Variants in ABHD2 observed in about 807,000 individuals in gnomAD.
The protein encoded by ABHD2 is monoacylglycerol lipase ABHD2.
In ABHD2, 20 loss-of-function variants were observed where a neutral mutation model predicts 48.1. That is an observed-to-expected ratio of 0.42 (90% CI 0.29 to 0.60). The LOEUF (loss-of-function observed/expected upper bound fraction) is 0.60, where lower values mean the gene tolerates loss of function less well. ABHD2 is among the 20% of genes least tolerant of loss of function. The pLI is 0.24. For synonymous variants in ABHD2, 209 were observed against 214.2 expected (o/e 0.98, Z 0.21); for missense variants, 405 against 550.9 (o/e 0.74, Z 2.65).
At position 89,146,282 on chromosome 15, in the gene ABHD2, T is replaced by A. The variant is rs555838220; in HGVS notation, c.195-5395T>A. 9.2e-5 allele frequency among the ~76,000 whole-genome samples: 14 copies of A among 152,262 alleles called. No individual in the cohort carries two copies. The highest frequency in any genetic ancestry group is 3.1e-4 in the African/African-American group (13 of 41,554). On this transcript the variant is annotated intron_variant, in intron 3 of 10. Transcript: ENST00000352732. This position sits in a 1 kb window ranked among gnomAD's most constrained non-coding sequence, Gnocchi z 4.2. ...AAGGCAAAGATGAGCATCAGTCAAC[T>A]TTATTTTTTCAACTCTCTTTTTAAA...
At chr15:89,079,453 T>TTCTACATGGCAAAATAAACC in the ABHD2 span, among the ~76,000 whole-genome samples, 2 of 147,592 alleles carry the variant, frequency 1.4e-5, no homozygotes, top group African/African-American at 2.5e-5. This position sits in a 1 kb window ranked among gnomAD's most constrained non-coding sequence, Gnocchi z 4.3. Context: ...TAAAACAAAC[T>TTCTACATGGCAAAATAAACC]TCTACATGGC....
chr15:89,063,311 G>A, the ABHD2 span, among the ~76,000 whole-genome samples: 17 of 151,522 alleles, frequency 1.1e-4, no homozygotes, highest in Non-Finnish European at 7.4e-5. Flanking sequence ...CCTTTCTTTT[G>A]AGGTCAGGTT....
In ABHD2 at chr15:89,195,491, A is replaced by C; in HGVS notation, c.*68A>C. Reference sequence around the variant, plus strand: ...GCTGCGTCCCCTCACCCCCTGTTTCAGGTCTCCCATCTCCCTCAGTGACCT... The same window carrying C: ...GCTGCGTCCCCTCACCCCCTGTTTCCGGTCTCCCATCTCCCTCAGTGACCT... On this transcript the variant is annotated 3_prime_UTR_variant, in exon 11 of 11. Coordinates refer to ENST00000352732, the MANE Select transcript of ABHD2 (RefSeq NM_152924.5). This position sits in a 1 kb window ranked among gnomAD's most constrained non-coding sequence, Gnocchi z 5.1. 1 of 1,520,204 alleles carries C rather than the reference A, an allele frequency of 6.6e-7. No individual in the cohort carries two copies. The highest frequency in any genetic ancestry group is 8.9e-7 in the Non-Finnish European group (1 of 1,129,696). The allele number at this position is 1,520,204 out of a possible 1,614,324, so 94.2% of individuals were successfully genotyped here.
rs1199547610 is a variant in ABHD2, at chr15:89,201,702, G to A, written c.*6279G>A. 27 of 1,608,114 alleles carry A rather than the reference G, an allele frequency of 1.7e-5. No individual in the cohort carries two copies. The South Asian group carries it at 2.5e-4, about 15-fold the overall frequency. ...TGGATTTCGCAATTTAAGATTTGTA[G>A]TGACTACATCTGTGAAGGGGCCTTT... On this transcript the variant is annotated 3_prime_UTR_variant, in exon 11 of 11. Transcript: ENST00000352732.
chr15:89,046,441 T>A, the ABHD2 span, among the ~76,000 whole-genome samples: 1 of 152,010 alleles, frequency 6.6e-6, no homozygotes, highest in Non-Finnish European at 1.5e-5. Flanking sequence ...TCCCTCTTTT[T>A]CTATTGATTG....
At position 89,151,426 on chromosome 15, in the gene ABHD2, C is replaced by T. The variant is rs548582848; in HGVS notation, c.195-251C>T. ...CCATGTTGAATTACTTAACAGTTAC[C>T]CTAAATTGAAATCCTCTTTATATAT... On this transcript the variant is annotated intron_variant, in intron 3 of 10. Coordinates refer to ENST00000352732, the MANE Select transcript of ABHD2 (RefSeq NM_152924.5). This position sits in a 1 kb window ranked among gnomAD's most constrained non-coding sequence, Gnocchi z 4.7. 1.6e-3 allele frequency among the ~76,000 whole-genome samples: 248 copies of T among 152,134 alleles called. No individual in the cohort carries two copies. The highest frequency in any genetic ancestry group is 0.014 in the Middle Eastern group (4 of 294).
chr15:89,075,015 A>G, the ABHD2 span, among the ~76,000 whole-genome samples: 2 of 152,102 alleles, frequency 1.3e-5, no homozygotes, highest in African/African-American at 4.8e-5. The surrounding 1 kb of genome is among the most constrained non-coding windows in gnomAD (Gnocchi z 4.1). Context: ...AGAGACACCC[A>G]AAGTTTATCA....
the ABHD2 span, among the ~76,000 whole-genome samples, chr15:89,074,907 C>T: frequency 9.2e-5 from 14 of 152,190 alleles, no homozygotes; most frequent in Non-Finnish European, 7.3e-5. Context: ...TAACATTTCT[C>T]AAGCAAGTGG....
intron 5 of ABHD2, among the ~76,000 whole-genome samples, chr15:89,171,026 G>A (rs889657428): frequency 6.6e-6 from 1 of 152,130 alleles, no homozygotes; most frequent in Non-Finnish European, 1.5e-5. Context: ...TGAGGCAGGA[G>A]AATCGTTTGA....
At chr15:89,071,778 C>G in the ABHD2 span, among the ~76,000 whole-genome samples, 83 of 152,262 alleles carry the variant, frequency 5.5e-4, no homozygotes, top group East Asian at 0.011. Flanking sequence ...TAAGGGTATG[C>G]TTAAGTTATT....
intron 1 of ABHD2, among the ~76,000 whole-genome samples, chr15:89,095,103 A>T (rs2150775162): frequency 6.6e-6 from 1 of 152,184 alleles, no homozygotes; most frequent in African/African-American, 2.4e-5. Flanking sequence ...TAGCACCAAA[A>T]ATGTTGGAAG....
chr15:89,078,564 G>A, the ABHD2 span, among the ~76,000 whole-genome samples: 2 of 152,282 alleles, frequency 1.3e-5, no homozygotes, highest in East Asian at 3.9e-4. Context: ...AGTTAGGAAT[G>A]AGTATGTGAT....
In ABHD2 at chr15:89,096,758, A is replaced by G. The variant is rs140124649; in HGVS notation, c.-107+8195A>G. On this transcript the variant is annotated intron_variant, in intron 1 of 10. Coordinates refer to ENST00000352732, the MANE Select transcript of ABHD2 (RefSeq NM_152924.5). Reference sequence around the variant, plus strand: ...GACAAAAGTTACTTATGGGTTTGGGAAAGACACTTTACAGGGGAGCAGGTA... The same window carrying G: ...GACAAAAGTTACTTATGGGTTTGGGGAAGACACTTTACAGGGGAGCAGGTA... Among the ~76,000 whole-genome samples the G allele has an allele frequency of 2.6e-5, 4 of 152,358 alleles. No homozygotes were observed. In the East Asian group the frequency reaches 7.7e-4, roughly 29 times the overall value.
At chr15:89,163,062 A>T (rs540955308) in intron 5 of ABHD2, among the ~76,000 whole-genome samples, 2 of 152,250 alleles carry the variant, frequency 1.3e-5, no homozygotes, top group Non-Finnish European at 2.9e-5. Context: ...TTTTGAGCAG[A>T]TGCCAGGCAT....
Position 89,106,964 on chromosome 15 carries a change from G to C in ABHD2, c.-106-6761G>C, listed in dbSNP as rs2049796000. ...GGATGGAAACAGACCATGTTTTTGG[G>C]GTGGTGTGCTGTGGCCTTCTGCTGT... On this transcript the variant is annotated intron_variant, in intron 1 of 10. Coordinates refer to ENST00000352732, the MANE Select transcript of ABHD2 (RefSeq NM_152924.5). The surrounding 1 kb of genome is among the most constrained non-coding windows in gnomAD (Gnocchi z 4.2). 6.6e-6 allele frequency among the ~76,000 whole-genome samples: 1 copy of C among 152,152 alleles called. No individual in the cohort carries two copies. The highest frequency in any genetic ancestry group is 1.5e-5 in the Non-Finnish European group (1 of 68,026).
Position 89,151,702 on chromosome 15 carries a change from A to G in ABHD2, c.220A>G (p.Lys74Glu). The G allele has an allele frequency of 6.2e-7, 1 of 1,613,966 alleles. No individual in the cohort carries two copies. Among genetic ancestry groups the G allele is most frequent in the Non-Finnish European group, 8.5e-7 (1 of 1,179,900 alleles). Reference protein sequence around the residue: ...KEYIPPLIWGKSGHIQTALYG... With the variant: ...KEYIPPLIWGESGHIQTALYG... ...ATACATTCCACCGTTGATCTGGGGGAAAAGTGGACACATCCAGACAGCCTT... is the reference window on the plus strand; with the variant it reads ...ATACATTCCACCGTTGATCTGGGGGGAAAGTGGACACATCCAGACAGCCTT... The change falls in exon 4 of 11, where the codon AAA becomes GAA. Residue 74 changes from lysine (K) to glutamate (E), a missense_variant. Transcript: ENST00000352732. This position sits in a 1 kb window ranked among gnomAD's most constrained non-coding sequence, Gnocchi z 4.7.
the ABHD2 span, among the ~76,000 whole-genome samples, chr15:89,053,888 G>A: frequency 6.6e-5 from 10 of 152,286 alleles, no homozygotes; most frequent in African/African-American, 9.6e-5. Context: ...CCAGCCTCCC[G>A]GACGCCTCAC....
At position 89,188,266 on chromosome 15, in the gene ABHD2, GCAA is replaced by G. The variant is rs934821209; in HGVS notation, c.892_894del (p.Thr298del). On this transcript the variant is annotated inframe_deletion, in exon 8 of 11. Coordinates refer to ENST00000352732, the MANE Select transcript of ABHD2 (RefSeq NM_152924.5). The surrounding 1 kb of genome is among the most constrained non-coding windows in gnomAD (Gnocchi z 4.1). Reference sequence around the variant, plus strand: ...CACGGACTTGAGCCGGCTCTACACAGCAACATCCCTGATGCAGATTGATGACAA... The same window carrying G: ...CACGGACTTGAGCCGGCTCTACACAGCATCCCTGATGCAGATTGATGACAA... 1.2e-6 allele frequency: 2 copies of G among 1,614,114 alleles called. No homozygotes were observed. The highest frequency in any genetic ancestry group is 2.7e-5 in the African/African-American group (2 of 74,950).
chr15:89,124,838 C>T (rs538337577), intron 3 of ABHD2, among the ~76,000 whole-genome samples: 17 of 152,266 alleles, frequency 1.1e-4, no homozygotes, highest in African/African-American at 3.6e-4. Flanking sequence ...CCTGTAATCC[C>T]AGCACTTTGG....
Sources: allele counts gnomAD v4.1 joint callset (sites outside exome capture counted in the v4.1 genomes callset), GRCh38; gene constraint gnomAD v4.1.1; non-coding constraint Gnocchi (gnomAD v3.1); transcripts MANE v1.5; gene names NCBI Gene and HGNC (gene_info 2026-07-23, HGNC 2026-07-21).